The following OTC variants were observed in gnomAD, a reference collection of about 807,000 sequenced individuals.
OTC encodes ornithine transcarbamylase, also known as ornithine transcarbamylase, mitochondrial.
OTC carries 3 observed loss-of-function variants against 30.3 expected under a neutral mutation model. The ratio of observed to expected loss-of-function variants is 0.10; its 90% confidence interval spans 0.05 to 0.26. OTC has a LOEUF of 0.26. OTC is among the 10% of genes least tolerant of loss of function. The pLI is 1.00. For missense variants in OTC, 194 were observed against 260.3 expected (o/e 0.75, Z 1.75); for synonymous variants, 111 against 99.7 (o/e 1.11, Z -0.67).
At chrX:38,421,908 C>A (rs1438927602), downstream of OTC, among the ~76,000 whole-genome samples, 2 of 100,121 alleles carry the variant, frequency 2.0e-5, no homozygotes, top group Non-Finnish European at 3.9e-5. Context: ...CTACTTGCAA[C>A]ATTTTAGCCA....
rs987967261 is a variant in OTC, at chrX:38,367,429, G to A, written c.216G>A (p.Glu72=). The A allele has an allele frequency of 1.7e-6, 2 of 1,200,327 alleles. No individual in the cohort carries two copies. The highest frequency in any genetic ancestry group is 3.5e-5 in the African/African-American group (2 of 57,405). ...DLKFRIKQKG[E]YLPLLQGKSL... is the part of the protein sequence containing the mutation. ...AATTTAGGATAAAACAGAAAGGAGAGGTATGTAACATTTTCTTTTTACGTT... is the reference window on the plus strand; with the variant it reads ...AATTTAGGATAAAACAGAAAGGAGAAGTATGTAACATTTTCTTTTTACGTT... The change falls in exon 2 of 10, where the codon GAG becomes GAA. Residue 72 remains glutamate (E), a splice_region_variant and synonymous_variant. Transcript: ENST00000039007.
At chrX:38,420,910 A>T (rs1443443594) in intron 9 of OTC, 113 bp from the exon 10 acceptor site, 6 of 528,977 alleles carry the variant, frequency 1.1e-5, no homozygotes, top group African/African-American at 9.3e-5. Context: ...TCTTGAGAAA[A>T]CACATTTTAA....
upstream of OTC, among the ~76,000 whole-genome samples, chrX:38,347,730 A>C (rs1021080849): frequency 9.0e-6 from 1 of 111,700 alleles, no homozygotes; most frequent in Non-Finnish European, 1.9e-5. Context: ...AGCATGTTAA[A>C]ATTTCCACAG....
chrX:38,359,799 G>A (rs6609588), intron 1 of OTC, among the ~76,000 whole-genome samples: 2 of 111,223 alleles, frequency 1.8e-5, no homozygotes, highest in Admixed American at 9.5e-5. Context: ...TCTCTCCTCC[G>A]TGCCTGGCCT....
At chrX:38,347,878 C>G (rs1047635709), upstream of OTC, among the ~76,000 whole-genome samples, 1 of 111,807 alleles carries the variant, frequency 8.9e-6, no homozygotes, top group African/African-American at 3.3e-5. Context: ...ATCATTCTTT[C>G]CTTTATATCA....
At chrX:38,360,622 C>T (rs1308868350) in intron 1 of OTC, among the ~76,000 whole-genome samples, 5 of 111,103 alleles carry the variant, frequency 4.5e-5, no homozygotes, top group Non-Finnish European at 9.4e-5. Context: ...ATGGTATATC[C>T]GAGTCCTGTG....
chrX:38,340,730 C>T, the OTC span, among the ~76,000 whole-genome samples: 1 of 110,152 alleles, frequency 9.1e-6, no homozygotes, highest in Admixed American at 9.7e-5. Flanking sequence ...TCTTAATGAA[C>T]GTTCCATTAT....
intron 4 of OTC, among the ~76,000 whole-genome samples, chrX:38,389,479 G>A (rs930843300): frequency 7.2e-5 from 8 of 111,319 alleles, no homozygotes; most frequent in African/African-American, 6.5e-5. Flanking sequence ...AAGGTTTTAC[G>A]ATTTTTGGTA....
intron 1 of OTC, among the ~76,000 whole-genome samples, chrX:38,365,711 T>G (rs924628540): frequency 1.8e-5 from 2 of 112,364 alleles, no homozygotes; most frequent in South Asian, 3.6e-4. Context: ...GGATGATACC[T>G]GAGAAATTTA....
At chrX:38,416,690 C>T (rs2068572359) in intron 9 of OTC, among the ~76,000 whole-genome samples, 1 of 112,114 alleles carries the variant, frequency 8.9e-6, no homozygotes, top group South Asian at 3.7e-4. Flanking sequence ...AAGTATGTCT[C>T]ATGTACTATT....
the OTC span, among the ~76,000 whole-genome samples, chrX:38,333,883 T>A: frequency 2.5e-4 from 28 of 112,555 alleles, no homozygotes; most frequent in Non-Finnish European, 4.3e-4. Context: ...CAGATTCTAA[T>A]TACTTCTTTG....
At chrX:38,341,469 G>A in the OTC span, among the ~76,000 whole-genome samples, 1 of 111,715 alleles carries the variant, frequency 9.0e-6, no homozygotes, top group African/African-American at 3.3e-5. Flanking sequence ...AAGTGATTGG[G>A]GGAACCTACT....
At chrX:38,395,959 C>T (rs1311363716) in intron 4 of OTC, 3 of 105,069 alleles carry the variant, frequency 2.9e-5, no homozygotes, top group African/African-American at 1.1e-4. Context: ...GTATTTTTAT[C>T]TTTTAAATTG....
intron 9 of OTC, among the ~76,000 whole-genome samples, chrX:38,419,218 G>A (rs545709789): frequency 1.3e-4 from 14 of 111,857 alleles, no homozygotes; most frequent in East Asian, 2.8e-4. Context: ...TGACAGTACC[G>A]TGTGGTTTTT....
chrX:38,349,231 G>A, upstream of OTC, among the ~76,000 whole-genome samples: 1 of 111,938 alleles, frequency 8.9e-6, no homozygotes, highest in East Asian at 2.8e-4. Flanking sequence ...CTAATACAGG[G>A]TAGATTGATG....
chrX:38,350,091 C>T (rs1319730575), upstream of OTC, among the ~76,000 whole-genome samples: 1 of 111,047 alleles, frequency 9.0e-6, no homozygotes, highest in African/African-American at 3.3e-5. Context: ...GGAACCCCAT[C>T]TAATCCCCAC....
At chrX:38,396,011 G>A (rs1422609883) in intron 4 of OTC, 2 of 102,973 alleles carry the variant, frequency 1.9e-5, no homozygotes, top group African/African-American at 7.2e-5. Context: ...TGCTCTTGTT[G>A]CCCAAGCTGG....
the OTC span, among the ~76,000 whole-genome samples, chrX:38,328,293 C>T: frequency 1.2e-3 from 132 of 112,207 alleles, 2 homozygotes; most frequent in East Asian, 0.032. Context: ...TCAGGGATCC[C>T]TGAATTACTC....
intron 8 of OTC, among the ~76,000 whole-genome samples, chrX:38,409,281 G>A (rs184304112): frequency 2.7e-5 from 3 of 111,640 alleles, no homozygotes; most frequent in East Asian, 5.7e-4. Context: ...CAAGAATCGA[G>A]GCATTGCAGT....
Sources: allele counts gnomAD v4.1 joint callset (sites outside exome capture counted in the v4.1 genomes callset), GRCh38; gene constraint gnomAD v4.1.1; transcripts MANE v1.5; gene names NCBI Gene and HGNC (gene_info 2026-07-23, HGNC 2026-07-21).